The following CRLS1 variants were observed in gnomAD, a reference collection of about 807,000 sequenced individuals.
CRLS1 encodes cardiolipin synthase (CMP-forming).
Under a neutral mutation model 37.0 loss-of-function variants are expected in CRLS1, and 24 were observed. The observed-to-expected ratio is 0.65, with a 90% CI of 0.47 to 0.91. CRLS1 has a LOEUF of 0.91. Ranked by LOEUF, CRLS1 falls within the 40% of genes least tolerant of loss-of-function variation. The pLI is 0.00. For missense variants in CRLS1, 373 were observed against 395.8 expected, an observed-to-expected ratio of 0.94 and a Z score of 0.49; for synonymous variants, 135 against 159.7, an observed-to-expected ratio of 0.85 and a Z score of 1.17.
At chr20:6,007,352 T>A (rs574306564) in intron 1 of CRLS1, 6 of 1,612,292 alleles carry the variant, frequency 3.7e-6, no homozygotes, top group Middle Eastern at 1.6e-4. Flanking sequence ...ACTTTGAAGT[T>A]GCCATATCCT....
rs780147660 is a variant in CRLS1, at chr20:6,020,922, G to T, written c.574+5432G>T. 2.0e-5 allele frequency among the ~76,000 whole-genome samples: 3 copies of T among 151,310 alleles called. No homozygotes were observed. In the East Asian group the frequency reaches 5.8e-4, roughly 29 times the overall value. ...GCTGGGATTACAGGCGTGAGCCACC[G>T]CGCCCGGCCTAATCCTGCTTTTTAA... is the stretch of plus-strand genomic sequence containing the variant. On this transcript the variant is annotated intron_variant, in intron 3 of 6. Coordinates refer to ENST00000378863, the MANE Select transcript of CRLS1 (RefSeq NM_019095.6).
intron 4 of CRLS1, among the ~76,000 whole-genome samples, 191 bp from the exon 5 acceptor site, chr20:6,031,821 G>C (rs1980189365): frequency 6.6e-6 from 1 of 151,412 alleles, no homozygotes; most frequent in Non-Finnish European, 1.5e-5. Flanking sequence ...CTATATGATA[G>C]GTATTGTGTT....
chr20:6,024,459 G>A (rs1600376131), intron 3 of CRLS1, among the ~76,000 whole-genome samples: 2 of 152,252 alleles, frequency 1.3e-5, no homozygotes, highest in East Asian at 3.9e-4. Context: ...GATTAATGTT[G>A]TGTATGTTCT....
At position 6,035,771 on chromosome 20, in the gene CRLS1, G is replaced by A. The variant is rs1225136779; in HGVS notation, c.821+1216G>A. On this transcript the variant is annotated intron_variant, in intron 6 of 6. Coordinates refer to ENST00000378863, the MANE Select transcript of CRLS1 (RefSeq NM_019095.6). ...TGAGTAGCTGGGATTACAGGCATGT[G>A]CCACCACCACACCTGGCTATTTTTT... Among the ~76,000 whole-genome samples the A allele has an allele frequency of 3.6e-4, 54 of 151,104 alleles. 1 individual carries two copies. Among genetic ancestry groups the A allele is most frequent in the African/African-American group, 1.3e-3 (53 of 41,160 alleles).
At chr20:6,007,260 A>C in intron 1 of CRLS1, 1 of 1,541,024 alleles carries the variant, frequency 6.5e-7, no homozygotes, top group Non-Finnish European at 8.8e-7. Flanking sequence ...TCAGTTGTAC[A>C]GCATGGGTTG....
chr20:6,011,415 A>C (rs1393473345), intron 2 of CRLS1, among the ~76,000 whole-genome samples: 1 of 151,966 alleles, frequency 6.6e-6, no homozygotes, highest in Non-Finnish European at 1.5e-5. Context: ...TGCAGACAAA[A>C]GAGAGCATTT....
rs1980629946 is a variant in CRLS1, at chr20:6,037,307, G to T, written c.*149G>T. 1 of 428,530 alleles carries T rather than the reference G, an allele frequency of 2.3e-6. No homozygotes were observed. 26.5% of individuals were successfully genotyped at this position (428,530 alleles called of 1,614,324 possible). On this transcript the variant is annotated 3_prime_UTR_variant, in exon 7 of 7. Transcript: ENST00000378863. ...TGTGTCATCAAAATTTAAGTAATGT[G>T]CATTGAAAATAAGGTTGATCATGGG...
intron 5 of CRLS1, among the ~76,000 whole-genome samples, chr20:6,033,963 A>G (rs980682162): frequency 6.6e-6 from 1 of 152,140 alleles, no homozygotes; most frequent in Non-Finnish European, 1.5e-5. Context: ...AGTGCCTTTT[A>G]ATTTTCTAAC....
At chr20:6,031,809 A>G (rs1980188853) in intron 4 of CRLS1, among the ~76,000 whole-genome samples, 1 of 151,992 alleles carries the variant, frequency 6.6e-6, no homozygotes, top group Admixed American at 6.5e-5. Flanking sequence ...TTATAAAGCA[A>G]ACTATATGAT....
At chr20:6,011,606 T>C (rs529283680) in intron 2 of CRLS1, among the ~76,000 whole-genome samples, 1 of 124,340 alleles carries the variant, frequency 8.0e-6, no homozygotes, top group Non-Finnish European at 1.6e-5. Context: ...TTTTTTTTTT[T>C]GGGGAGACTG....
At chr20:6,012,089 G>A (rs573003823) in intron 2 of CRLS1, among the ~76,000 whole-genome samples, 1 of 151,316 alleles carries the variant, frequency 6.6e-6, no homozygotes, top group Non-Finnish European at 1.5e-5. Context: ...ATGTTAGAGA[G>A]GCCCCATTAA....
At chr20:6,032,772 C>T (rs542226051) in intron 5 of CRLS1, among the ~76,000 whole-genome samples, 123 of 152,274 alleles carry the variant, frequency 8.1e-4, no homozygotes, top group Non-Finnish European at 1.9e-4. Flanking sequence ...GATAAGTTTT[C>T]TCAGTTCATT....
At chr20:6,031,641 C>T (rs1980177109) in intron 4 of CRLS1, among the ~76,000 whole-genome samples, 2 of 152,198 alleles carry the variant, frequency 1.3e-5, no homozygotes, top group Admixed American at 1.3e-4. Context: ...TATTTATTCA[C>T]AGGCTCTATA....
chr20:6,022,730 C>G (rs1169538086), intron 3 of CRLS1, among the ~76,000 whole-genome samples: 1 of 152,060 alleles, frequency 6.6e-6, no homozygotes, highest in Non-Finnish European at 1.5e-5. Flanking sequence ...AATAATATTT[C>G]TTGTTGCAAG....
intron 2 of CRLS1, among the ~76,000 whole-genome samples, chr20:6,013,074 GA>G (rs1208693677): frequency 6.6e-6 from 1 of 152,076 alleles, no homozygotes; most frequent in East Asian, 1.9e-4. Flanking sequence ...TTTGTAGGGG[GA>G]TAGAGAAATA....
At chr20:6,019,518 T>C (rs1449633073) in intron 3 of CRLS1, among the ~76,000 whole-genome samples, 1 of 151,138 alleles carries the variant, frequency 6.6e-6, no homozygotes, top group Non-Finnish European at 1.5e-5. Context: ...GTCCCTTTTT[T>C]TTTTTTTTTT....
At chr20:6,013,886 A>C (rs183914555) in intron 2 of CRLS1, among the ~76,000 whole-genome samples, 1 of 152,226 alleles carries the variant, frequency 6.6e-6, no homozygotes, top group Admixed American at 6.5e-5. Context: ...GATGTTTATA[A>C]AGGAATGATG....
chr20:6,010,250 T>C (rs1375972789), intron 2 of CRLS1, among the ~76,000 whole-genome samples: 2 of 152,168 alleles, frequency 1.3e-5, no homozygotes, highest in African/African-American at 4.8e-5. Context: ...AGATCTGAGA[T>C]GACTTTTCTA....
intron 2 of CRLS1, among the ~76,000 whole-genome samples, chr20:6,014,536 A>G (rs1978589932): frequency 6.6e-6 from 1 of 152,260 alleles, no homozygotes; most frequent in African/African-American, 2.4e-5. Flanking sequence ...TGGATAAACC[A>G]GAAAATATCT....
Sources: gnomAD v4.1 joint callset for allele counts (sites outside exome capture counted in the v4.1 genomes callset) on GRCh38, gnomAD v4.1.1 for gene constraint, MANE v1.5 for transcripts, NCBI Gene and HGNC (gene_info 2026-07-23, HGNC 2026-07-21) for gene names.